Variants in RPS6KA6 observed in about 807,000 individuals in gnomAD.
RPS6KA6 encodes ribosomal protein S6 kinase A6.
A neutral mutation model predicts 65.4 loss-of-function variants in RPS6KA6; 27 were observed. The ratio of observed to expected loss-of-function variants is 0.41; its 90% confidence interval spans 0.30 to 0.57. The LOEUF (loss-of-function observed/expected upper bound fraction) is 0.57. RPS6KA6 is among the 20% of genes least tolerant of loss of function. The pLI, the probability that RPS6KA6 is intolerant of heterozygous loss-of-function variation, is 0.24. For synonymous variants in RPS6KA6, 190 were observed against 184.2 expected (o/e 1.03, Z -0.26); for missense variants, 486 against 555.6 (o/e 0.87, Z 1.26).
chrX:84,123,696 A>G (rs1437146832), intron 8 of RPS6KA6, among the ~76,000 whole-genome samples: 2 of 112,040 alleles, frequency 1.8e-5, no homozygotes, highest in African/African-American at 3.2e-5. Flanking sequence ...GTAAATTTCT[A>G]AGGTATTTGA....
chrX:84,165,814 A>C (rs1196887606), intron 1 of RPS6KA6, among the ~76,000 whole-genome samples: 1 of 111,372 alleles, frequency 9.0e-6, no homozygotes, highest in Non-Finnish European at 1.9e-5. Context: ...ACTTCATCCA[A>C]AAGGCAGCTC....
chrX:84,182,560 A>G (rs1335355725), intron 1 of RPS6KA6, among the ~76,000 whole-genome samples: 1 of 111,884 alleles, frequency 8.9e-6, no homozygotes, highest in Non-Finnish European at 1.9e-5. Context: ...AATATGGCCC[A>G]GAAAAGCAAC....
In RPS6KA6 at chrX:84,103,385, T is replaced by TA. The variant is rs760359167; in HGVS notation, c.1614+1113dup. Among the ~76,000 whole-genome samples the TA allele has an allele frequency of 3.2e-4, 35 of 109,599 alleles. 1 individual carries two copies. Among genetic ancestry groups the TA allele is most frequent in the South Asian group, 2.7e-3 (7 of 2,631 alleles). Reference sequence around the variant, plus strand: ...AGAAACAAATAAAATGTAGGACTGGTAAAAAAAAATGCTGAAATTCCCCCA... The same window carrying TA: ...AGAAACAAATAAAATGTAGGACTGGTAAAAAAAAAATGCTGAAATTCCCCCA... On this transcript the variant is annotated intron_variant, in intron 17 of 21. Transcript: ENST00000262752.
At chrX:84,069,362 T>C (rs1008192379) in intron 20 of RPS6KA6, among the ~76,000 whole-genome samples, 4 of 111,956 alleles carry the variant, frequency 3.6e-5, no homozygotes, top group African/African-American at 1.3e-4. Flanking sequence ...GCTAGCTATA[T>C]GTAGAAAGCT....
At chrX:84,131,483 C>T (rs1464047273) in intron 8 of RPS6KA6, among the ~76,000 whole-genome samples, 2 of 112,137 alleles carry the variant, frequency 1.8e-5, no homozygotes, top group Non-Finnish European at 3.8e-5. Context: ...ATATAATTAA[C>T]ATCTAGTCTT....
At chrX:84,065,185 G>A in intron 20 of RPS6KA6, 74 bp from the exon 21 acceptor site, 1 of 719,829 alleles carries the variant, frequency 1.4e-6, no homozygotes, top group Non-Finnish European at 2.0e-6. Flanking sequence ...CTGAAAATGT[G>A]ACAGCATCAA....
chrX:84,186,562 G>A (rs1341351129), intron 1 of RPS6KA6, among the ~76,000 whole-genome samples: 6 of 111,312 alleles, frequency 5.4e-5, no homozygotes, highest in African/African-American at 1.6e-4. Flanking sequence ...GGGTACTTCT[G>A]AATTTATTTC....
rs781333575 is a variant in RPS6KA6 at position 84,156,057 on chromosome X, A to G, written c.258+18T>C. The G allele has an allele frequency of 7.1e-6, 7 of 988,608 alleles. No homozygotes were observed. In the African/African-American group the frequency reaches 1.1e-4, roughly 16 times the overall value. The allele number at this position is 988,608 out of a possible 1,213,427, so 81.5% of individuals were successfully genotyped here. A position where few individuals can be genotyped will look rare whatever the true frequency, so the allele number is the denominator to read the frequency against. On this transcript the variant is annotated intron_variant, in intron 3 of 21. Coordinates refer to ENST00000262752, the MANE Select transcript of RPS6KA6 (RefSeq NM_014496.5). Reference sequence around the variant, plus strand: ...ATGTTTAGAAGAGGAACAAATGGGGAAAAAAATTATTCATTACCTTTCCAA... The same window carrying G: ...ATGTTTAGAAGAGGAACAAATGGGGGAAAAAATTATTCATTACCTTTCCAA...
At position 84,064,337 on chromosome X, in the gene RPS6KA6, T is replaced by G. The variant is rs745985358; in HGVS notation, c.2178A>C (p.Val726=). 1.7e-6 allele frequency: 2 copies of G among 1,208,614 alleles called. No individual in the cohort carries two copies. Among genetic ancestry groups the G allele is most frequent in the Admixed American group, 4.4e-5 (2 of 45,804 alleles). ...HKTFQPVLEP[V]AASSLAQRRS... The stretch of plus-strand genomic sequence containing the variant: ...GTCGCTGGGCTAAGCTTGAAGCAGC[T>G]ACAGGCTCTAGGACTGGTTGAAAGG... The change falls in exon 22 of 22, where the codon GTA becomes GTC. Residue 726 remains valine, a synonymous_variant. Coordinates refer to ENST00000262752, the MANE Select transcript of RPS6KA6 (RefSeq NM_014496.5).
intron 2 of RPS6KA6, among the ~76,000 whole-genome samples, chrX:84,162,042 G>C (rs1216545507): frequency 9.0e-6 from 1 of 110,990 alleles, no homozygotes; most frequent in Non-Finnish European, 1.9e-5. Context: ...CAAATAAAAA[G>C]TTAACTCATG....
intron 20 of RPS6KA6, among the ~76,000 whole-genome samples, chrX:84,065,713 A>G (rs2033385797): frequency 9.1e-6 from 1 of 109,985 alleles, no homozygotes; most frequent in African/African-American, 3.3e-5. Flanking sequence ...ATAACCTCAC[A>G]GGAAAAGTTT....
chrX:84,182,747 G>A (rs2035875197), intron 1 of RPS6KA6, among the ~76,000 whole-genome samples: 1 of 111,924 alleles, frequency 8.9e-6, no homozygotes, highest in Admixed American at 9.5e-5. Context: ...ACCTGTGGCA[G>A]GGAGGGGCCA....
At chrX:84,180,210 C>T (rs908344800) in intron 1 of RPS6KA6, among the ~76,000 whole-genome samples, 1 of 111,368 alleles carries the variant, frequency 9.0e-6, no homozygotes, top group African/African-American at 3.3e-5. Context: ...ATTCATGTTC[C>T]ATTTTCACTT....
In RPS6KA6 at chrX:84,124,623, T is replaced by TAA. The variant is rs200401555; in HGVS notation, c.647-4598_647-4597dup. Among the ~76,000 whole-genome samples the TAA allele has an allele frequency of 1.1e-3, 104 of 91,972 alleles. 1 individual carries two copies. In the Middle Eastern group the frequency reaches 0.016, roughly 14 times the overall value. The allele number at this position is 91,972 out of a possible 115,157, so 79.9% of individuals were successfully genotyped here. On this transcript the variant is annotated intron_variant, in intron 8 of 21. Coordinates refer to ENST00000262752, the MANE Select transcript of RPS6KA6 (RefSeq NM_014496.5). ...TGAAAATACACAGAGGAGACAAAAT[T>TAA]AAAAAAAAAAAAGAATAAAGCATGG... is the stretch of plus-strand genomic sequence containing the variant.
At chrX:84,133,567 CATT>C (rs1248452339) in intron 8 of RPS6KA6, among the ~76,000 whole-genome samples, 1 of 110,865 alleles carries the variant, frequency 9.0e-6, no homozygotes, top group Non-Finnish European at 1.9e-5. Flanking sequence ...AACTTGGCAT[CATT>C]ATTTACGTAA....
At chrX:84,115,576 A>T (rs767488609) in intron 12 of RPS6KA6, among the ~76,000 whole-genome samples, 2 of 111,515 alleles carry the variant, frequency 1.8e-5, no homozygotes, top group South Asian at 7.5e-4. Context: ...ATAATCAAAA[A>T]AATTTGACCC....
chrX:84,129,696 T>C (rs1476830827), intron 8 of RPS6KA6, among the ~76,000 whole-genome samples: 1 of 111,472 alleles, frequency 9.0e-6, no homozygotes, highest in Non-Finnish European at 1.9e-5. Flanking sequence ...GTCATCTGCA[T>C]TGTGAGTGGA....
chrX:84,178,823 T>A (rs2035806015), intron 1 of RPS6KA6, among the ~76,000 whole-genome samples: 1 of 110,841 alleles, frequency 9.0e-6, no homozygotes, highest in African/African-American at 3.3e-5. Flanking sequence ...ACTAAAAAAC[T>A]TCTAGAAGAA....
At chrX:84,179,968 T>C (rs971706408) in intron 1 of RPS6KA6, among the ~76,000 whole-genome samples, 1 of 112,023 alleles carries the variant, frequency 8.9e-6, no homozygotes, top group African/African-American at 3.2e-5. Context: ...CTATTTCCCT[T>C]AATTTTGAAT....
Sources: allele counts gnomAD v4.1 joint callset (sites outside exome capture counted in the v4.1 genomes callset), GRCh38; gene constraint gnomAD v4.1.1; transcripts MANE v1.5; gene names NCBI Gene and HGNC (gene_info 2026-07-23, HGNC 2026-07-21).